The following CMTM7 variants were observed in gnomAD, a reference collection of about 807,000 sequenced individuals.
The protein encoded by CMTM7 is CKLF-like MARVEL transmembrane domain-containing protein 7.
CMTM7 carries 7 observed loss-of-function variants against 19.3 expected under a neutral mutation model. The observed-to-expected ratio is 0.36, with a 90% CI of 0.21 to 0.68. The LOEUF is 0.68. Ranked by LOEUF, CMTM7 falls within the 30% of genes least tolerant of loss-of-function variation. The pLI, the probability that CMTM7 is intolerant of heterozygous loss-of-function variation, is 0.60. For missense variants in CMTM7, 193 were observed against 232.6 expected (o/e 0.83, Z 1.11); for synonymous variants, 87 against 99.3 (o/e 0.88, Z 0.74).
At chr3:32,452,208 T>A in intron 3 of CMTM7, 184 bp from the exon 4 acceptor site, 1 of 1,506,892 alleles carries the variant, frequency 6.6e-7, no homozygotes, top group Non-Finnish European at 8.9e-7. Context: ...GGCCAGTGGC[T>A]GGGCCTCGCG....
intron 1 of CMTM7, among the ~76,000 whole-genome samples, chr3:32,392,856 G>T (rs1375140721): frequency 6.6e-6 from 1 of 152,226 alleles, no homozygotes; most frequent in Non-Finnish European, 1.5e-5. Flanking sequence ...ACGTTGCCTG[G>T]CCGATTCTCT....
intron 1 of CMTM7, among the ~76,000 whole-genome samples, chr3:32,402,711 C>T (rs1398442287): frequency 6.6e-6 from 1 of 152,158 alleles, no homozygotes; most frequent in Non-Finnish European, 1.5e-5. Flanking sequence ...GGATTACAGG[C>T]TCCCGCTACT....
intron 1 of CMTM7, among the ~76,000 whole-genome samples, chr3:32,430,793 G>A (rs1696507219): frequency 6.6e-6 from 1 of 151,788 alleles, no homozygotes. Flanking sequence ...GAGAGTGAAC[G>A]TGCTGCTGTC....
At chr3:32,403,270 AGT>A in intron 1 of CMTM7, among the ~76,000 whole-genome samples, 1 of 152,276 alleles carries the variant, frequency 6.6e-6, no homozygotes, top group East Asian at 1.9e-4. Flanking sequence ...GCTGGAGTGC[AGT>A]GGTGCTATCT....
intron 2 of CMTM7, among the ~76,000 whole-genome samples, chr3:32,442,282 G>A (rs1468818704): frequency 3.3e-5 from 5 of 151,818 alleles, no homozygotes; most frequent in South Asian, 4.2e-4. Flanking sequence ...AGGCTGAGGC[G>A]GGCGGATCAC....
chr3:32,445,715 T>G (rs1416894089), intron 2 of CMTM7, among the ~76,000 whole-genome samples: 1 of 151,894 alleles, frequency 6.6e-6, no homozygotes, highest in Non-Finnish European at 1.5e-5. Flanking sequence ...AAGGTCTCCC[T>G]ATGTTGCCCA....
chr3:32,413,018 G>A (rs1251979007), intron 1 of CMTM7, among the ~76,000 whole-genome samples: 1 of 152,106 alleles, frequency 6.6e-6, no homozygotes, highest in Non-Finnish European at 1.5e-5. Flanking sequence ...CATTTTCAGG[G>A]GTTGGCAAAC....
chr3:32,403,268 G>A (rs1464452435), intron 1 of CMTM7, among the ~76,000 whole-genome samples: 1 of 152,194 alleles, frequency 6.6e-6, no homozygotes, highest in East Asian at 1.9e-4. Context: ...AGGCTGGAGT[G>A]CAGTGGTGCT....
intron 1 of CMTM7, among the ~76,000 whole-genome samples, chr3:32,430,305 C>G (rs1696496745): frequency 6.6e-6 from 1 of 152,130 alleles, no homozygotes; most frequent in South Asian, 2.1e-4. Context: ...AAATTGCTGG[C>G]CAGCGTGTCT....
At chr3:32,424,637 G>GTTTT (rs35838426) in intron 1 of CMTM7, among the ~76,000 whole-genome samples, 3 of 144,738 alleles carry the variant, frequency 2.1e-5, no homozygotes, top group African/African-American at 7.7e-5. Context: ...TTGGGGAAAG[G>GTTTT]TTTTTTTTTT....
At chr3:32,415,646 C>A (rs940058619) in intron 1 of CMTM7, among the ~76,000 whole-genome samples, 3 of 152,210 alleles carry the variant, frequency 2.0e-5, no homozygotes. Flanking sequence ...CTGTGCAGAT[C>A]TTCTCTGAAG....
intron 1 of CMTM7, among the ~76,000 whole-genome samples, chr3:32,424,987 C>T (rs1559408485): frequency 6.6e-6 from 1 of 152,004 alleles, no homozygotes; most frequent in Non-Finnish European, 1.5e-5. Flanking sequence ...AGGCCAGAGG[C>T]AAAAAACGTA....
At chr3:32,400,783 G>A (rs1358656096) in intron 1 of CMTM7, among the ~76,000 whole-genome samples, 1 of 152,170 alleles carries the variant, frequency 6.6e-6, no homozygotes, top group Non-Finnish European at 1.5e-5. Context: ...CAGTCATGGA[G>A]GTACCCTGGT....
intron 1 of CMTM7, among the ~76,000 whole-genome samples, chr3:32,413,570 A>G (rs1696211818): frequency 6.6e-6 from 1 of 152,178 alleles, no homozygotes; most frequent in Non-Finnish European, 1.5e-5. Flanking sequence ...TTTCATTCAC[A>G]GTGTTTCTCA....
chr3:32,439,733 G>T (rs376992315), intron 1 of CMTM7, among the ~76,000 whole-genome samples: 1 of 152,246 alleles, frequency 6.6e-6, no homozygotes, highest in South Asian at 2.1e-4. Flanking sequence ...GATTGCAGGC[G>T]TGAGCCTGGG....
intron 1 of CMTM7, among the ~76,000 whole-genome samples, chr3:32,422,318 G>A (rs1212145492): frequency 6.6e-6 from 1 of 152,226 alleles, no homozygotes; most frequent in Non-Finnish European, 1.5e-5. Context: ...CACCCACATT[G>A]TGAAACTCAA....
intron 2 of CMTM7, among the ~76,000 whole-genome samples, chr3:32,447,522 G>A (rs1015557550): frequency 6.6e-6 from 1 of 152,128 alleles, no homozygotes; most frequent in Non-Finnish European, 1.5e-5. Flanking sequence ...TGAAAGTAGG[G>A]ATATTGAATT....
chr3:32,440,800 T>G lies in CMTM7; in HGVS notation c.160-1040T>G, dbSNP rs1023486278. Among the ~76,000 whole-genome samples the G allele has an allele frequency of 5.3e-5, 8 of 152,286 alleles. No homozygotes were observed. The East Asian group carries it at 1.5e-3, about 29-fold the overall frequency. On this transcript the variant is annotated intron_variant, in intron 1 of 4. Coordinates refer to ENST00000334983, the MANE Select transcript of CMTM7 (RefSeq NM_138410.4). ...CTCAGAAAAACAAAAACTAAATAACTAAATAAATAAGTAGATTCTAAGATT... is the reference window on the plus strand; with the variant it reads ...CTCAGAAAAACAAAAACTAAATAACGAAATAAATAAGTAGATTCTAAGATT...
At chr3:32,427,468 A>G (rs1422794955) in intron 1 of CMTM7, among the ~76,000 whole-genome samples, 3 of 152,178 alleles carry the variant, frequency 2.0e-5, no homozygotes, top group Non-Finnish European at 4.4e-5. Context: ...GGGGACCAGG[A>G]GGGCAAGAGA....
Sources: allele counts gnomAD v4.1 joint callset (sites outside exome capture counted in the v4.1 genomes callset), GRCh38; gene constraint gnomAD v4.1.1; transcripts MANE v1.5; gene names NCBI Gene and HGNC (gene_info 2026-07-23, HGNC 2026-07-21).